MCTP2: variants seen among roughly 807,000 people sequenced by gnomAD.
MCTP2 encodes the protein multiple C2 and transmembrane domain containing 2.
MCTP2 carries 132 observed loss-of-function variants against 111.6 expected under a neutral mutation model. That is an observed-to-expected ratio of 1.18 (90% CI 1.03 to 1.37). MCTP2 has a LOEUF of 1.37. Among genes scored for constraint, MCTP2 ranks in the 40% most tolerant of loss-of-function variants. The probability of loss-of-function intolerance (pLI) is 0.00; values close to 1 mark genes in which losing one functional copy is unlikely to be tolerated. For synonymous variants in MCTP2, 395 were observed against 387.7 expected (o/e 1.02, Z -0.22); for missense variants, 1,183 against 1,067.9 (o/e 1.11, Z -1.50).
intron 10 of MCTP2, among the ~76,000 whole-genome samples, chr15:94,360,768 T>G (rs2078886681): frequency 6.6e-6 from 1 of 152,110 alleles, no homozygotes. Flanking sequence ...GTTCATTTAT[T>G]ATTTTAGCTA....
chr15:94,305,046 A>G lies in MCTP2; in HGVS notation c.465+6316A>G, dbSNP rs115057682. Reference sequence around the variant, plus strand: ...TCTGGGTGCTGACGGATAAAGAGTCATTGCTTGGATTGAATTGTGTCCCCC... The same window carrying G: ...TCTGGGTGCTGACGGATAAAGAGTCGTTGCTTGGATTGAATTGTGTCCCCC... On this transcript the variant is annotated intron_variant, in intron 2 of 22. Coordinates refer to ENST00000357742, the MANE Select transcript of MCTP2 (RefSeq NM_001385001.1). Among the ~76,000 whole-genome samples the G allele has an allele frequency of 2.9e-3, 447 of 152,186 alleles. 1 individual carries two copies. Among genetic ancestry groups the G allele is most frequent in the African/African-American group, 0.01 (423 of 41,496 alleles).
intron 10 of MCTP2, among the ~76,000 whole-genome samples, chr15:94,367,021 C>T (rs1372257969): frequency 6.6e-6 from 1 of 152,226 alleles, no homozygotes; most frequent in East Asian, 1.9e-4. Context: ...CTTCATGCTC[C>T]ATTTGTCCAA....
chr15:94,363,706 CTTG>C (rs907787357), intron 10 of MCTP2, among the ~76,000 whole-genome samples: 13 of 152,082 alleles, frequency 8.5e-5, no homozygotes, highest in African/African-American at 2.7e-4. Context: ...TCGTGTAAAT[CTTG>C]TTGTTGCAGT....
At chr15:94,471,742 T>C (rs543707295) in intron 21 of MCTP2, among the ~76,000 whole-genome samples, 2 of 146,938 alleles carry the variant, frequency 1.4e-5, no homozygotes, top group African/African-American at 5.0e-5. Flanking sequence ...GGGCCACTGA[T>C]TAAGAAGGCA....
intron 12 of MCTP2, among the ~76,000 whole-genome samples, chr15:94,382,849 C>G (rs1410333246): frequency 2.6e-5 from 4 of 152,252 alleles, no homozygotes; most frequent in African/African-American, 7.2e-5. Flanking sequence ...TAATGTCCTA[C>G]GGACATTACG....
At chr15:94,380,013 C>A (rs2080039740) in intron 12 of MCTP2, among the ~76,000 whole-genome samples, 1 of 151,556 alleles carries the variant, frequency 6.6e-6, no homozygotes, top group South Asian at 2.1e-4. Flanking sequence ...TCAAACACTT[C>A]CCTTGTAAAC....
chr15:94,344,987 T>C, intron 7 of MCTP2, 142 bp from the exon 8 acceptor site: 5 of 924,576 alleles, frequency 5.4e-6, no homozygotes, highest in African/African-American at 1.7e-5. Flanking sequence ...CAAATATGCT[T>C]TCTCTATAAC....
intron 17 of MCTP2, among the ~76,000 whole-genome samples, chr15:94,415,556 CAGCATTCTCCTTTT>C (rs2082332884): frequency 6.6e-6 from 1 of 152,112 alleles, no homozygotes; most frequent in Non-Finnish European, 1.5e-5. Context: ...ACACCCCGTG[CAGCATTCTCCTTTT>C]AGGTTATTAT....
intron 1 of MCTP2, among the ~76,000 whole-genome samples, chr15:94,237,905 C>A (rs913278639): frequency 6.6e-6 from 1 of 152,170 alleles, no homozygotes; most frequent in Admixed American, 6.5e-5. Flanking sequence ...GGTCTTTAGA[C>A]AAACTCAACC....
rs763298012 is a variant in MCTP2 at position 94,298,714 on chromosome 15, CA to C, written c.450del (p.Pro151GlnfsTer13). 1.9e-6 allele frequency: 3 copies of C among 1,606,018 alleles called. No individual in the cohort carries two copies. Among genetic ancestry groups the C allele is most frequent in the Non-Finnish European group, 1.7e-6 (2 of 1,177,330 alleles). ...DLQKTSLGGD[A>X]PEEPEKLCGS... ...CAGAAAACTTCCCTTGGAGGGGATG[CA>C]CCAGAAGAGCCAGAGGTGAGAATAG... On this transcript the variant is annotated frameshift_variant, in exon 2 of 23. Coordinates refer to ENST00000357742, the MANE Select transcript of MCTP2 (RefSeq NM_001385001.1). LOFTEE classifies it high-confidence loss of function.
intron 17 of MCTP2, among the ~76,000 whole-genome samples, chr15:94,430,393 T>TCA (rs35129445): frequency 0.045 from 4,862 of 107,110 alleles, 170 homozygotes; most frequent in African/African-American, 0.08. Context: ...CCAAAAACAA[T>TCA]CACACACACA....
rs145854126 is a variant in MCTP2 at position 94,438,151 on chromosome 15, C to T, written c.2086-2025C>T. Reference sequence around the variant, plus strand: ...AAACCACTATTTCAGCCCATGTTTGCATTGATGAGCGAGTATAGTCGTCAA... The same window carrying T: ...AAACCACTATTTCAGCCCATGTTTGTATTGATGAGCGAGTATAGTCGTCAA... On this transcript the variant is annotated intron_variant, in intron 17 of 22. Coordinates refer to ENST00000357742, the MANE Select transcript of MCTP2 (RefSeq NM_001385001.1). Among the ~76,000 whole-genome samples the T allele has an allele frequency of 4.5e-3, 677 of 152,100 alleles. 3 individuals carry two copies. Among genetic ancestry groups the T allele is most frequent in the African/African-American group, 0.015 (614 of 41,520 alleles).
chr15:94,406,625 A>G (rs1462241484), intron 17 of MCTP2, among the ~76,000 whole-genome samples: 2 of 152,214 alleles, frequency 1.3e-5, no homozygotes, highest in African/African-American at 4.8e-5. Context: ...AAACATGGAA[A>G]TGCCCAGCCC....
At chr15:94,344,324 AT>A (rs1268509387) in intron 7 of MCTP2, among the ~76,000 whole-genome samples, 1 of 152,170 alleles carries the variant, frequency 6.6e-6, no homozygotes, top group Non-Finnish European at 1.5e-5. Flanking sequence ...ACCTAAAGGT[AT>A]TTTTTTCTTA....
chr15:94,445,228 G>A (rs1019069351), intron 19 of MCTP2, among the ~76,000 whole-genome samples: 1 of 152,108 alleles, frequency 6.6e-6, no homozygotes, highest in African/African-American at 2.4e-5. Flanking sequence ...CCAAGTTGAG[G>A]GTGCTGGCAT....
chr15:94,427,299 G>A (rs552604151), intron 17 of MCTP2, among the ~76,000 whole-genome samples: 1 of 152,236 alleles, frequency 6.6e-6, no homozygotes, highest in Non-Finnish European at 1.5e-5. Context: ...AAAAACAAGT[G>A]TATTAGTCCA....
Position 94,345,154 on chromosome 15 carries a change from G to A in MCTP2, c.995G>A (p.Ser332Asn). 1 of 1,612,502 alleles carries A rather than the reference G, an allele frequency of 6.2e-7. No individual in the cohort carries two copies. Among genetic ancestry groups the A allele is most frequent in the Non-Finnish European group, 8.5e-7 (1 of 1,178,940 alleles). Residue 332 changes from serine (S) to asparagine (N), a missense_variant, in exon 8 of 23, where the codon AGT (serine) becomes AAT (asparagine). By Grantham distance (46) the Ser-to-Asn change is conservative. Coordinates refer to ENST00000357742, the MANE Select transcript of MCTP2 (RefSeq NM_001385001.1). ...RHRWSNRKRLSASKSSLIRNL... is the reference protein window; with the variant it reads ...RHRWSNRKRLNASKSSLIRNL... ...CGTTGGTCAAATCGGAAGCGATTAA[G>A]TGCCAGCAAGGTAAATATACTTTTT...
intron 12 of MCTP2, among the ~76,000 whole-genome samples, chr15:94,380,074 T>G (rs534657931): frequency 1.3e-5 from 2 of 152,016 alleles, no homozygotes; most frequent in Non-Finnish European, 2.9e-5. Context: ...TTTTCTGAAC[T>G]GAATTACATT....
At chr15:94,277,500 T>A (rs2074273300) in intron 1 of MCTP2, among the ~76,000 whole-genome samples, 1 of 152,120 alleles carries the variant, frequency 6.6e-6, no homozygotes. Context: ...TAAAAAGAAA[T>A]GTTATCAAGC....
Sources: gnomAD v4.1 joint callset for allele counts (sites outside exome capture counted in the v4.1 genomes callset) on GRCh38, gnomAD v4.1.1 for gene constraint, MANE v1.5 for transcripts, NCBI Gene and HGNC (gene_info 2026-07-23, HGNC 2026-07-21) for gene names.